Variants in FNIP2 observed in about 807,000 individuals in gnomAD.
FNIP2 encodes the protein folliculin interacting protein 2.
In FNIP2, 32 loss-of-function variants were observed where a neutral mutation model predicts 108.7. The ratio of observed to expected loss-of-function variants is 0.29; its 90% CI spans 0.22 to 0.40. The LOEUF (loss-of-function observed/expected upper bound fraction) is 0.40, where lower values mean the gene tolerates loss of function less well. Ranked by LOEUF, FNIP2 falls within the 10% of genes least tolerant of loss-of-function variation. The pLI is 1.00. For missense variants in FNIP2, 1,202 were observed against 1,381.6 expected (o/e 0.87, Z 2.06); for synonymous variants, 480 against 496.7 (o/e 0.97, Z 0.45).
chr4:158,841,036 G>C (rs1779103153), intron 7 of FNIP2, among the ~76,000 whole-genome samples: 1 of 152,176 alleles, frequency 6.6e-6, no homozygotes, highest in African/African-American at 2.4e-5. Flanking sequence ...TGGTCACTCT[G>C]CAGATACAGG....
intron 14 of FNIP2, chr4:158,872,400 C>T: frequency 1.0e-6 from 1 of 985,386 alleles, no homozygotes. Context: ...ACTCTTCAAG[C>T]TTTTTCGTAT....
At chr4:158,803,739 G>A (rs886927740) in intron 1 of FNIP2, among the ~76,000 whole-genome samples, 1 of 152,160 alleles carries the variant, frequency 6.6e-6, no homozygotes, top group African/African-American at 2.4e-5. Flanking sequence ...AATCCTTTCT[G>A]TTAAGATATC....
chr4:158,780,034 C>T (rs1775986253), intron 1 of FNIP2, among the ~76,000 whole-genome samples: 1 of 151,342 alleles, frequency 6.6e-6, no homozygotes, highest in African/African-American at 2.4e-5. Context: ...AAAAGGAGAC[C>T]CCATCTCTAC....
chr4:158,798,663 C>A (rs940417044), intron 1 of FNIP2, among the ~76,000 whole-genome samples: 1 of 152,182 alleles, frequency 6.6e-6, no homozygotes, highest in African/African-American at 2.4e-5. Context: ...AGTTTTAAGT[C>A]TTTAGATAGC....
At chr4:158,829,255 C>T in intron 3 of FNIP2, 30 bp downstream of exon 3, 1 of 1,555,240 alleles carries the variant, frequency 6.4e-7, no homozygotes. Context: ...GGGAATAGCC[C>T]CTGAGGTTAA....
chr4:158,792,414 T>G (rs1178769749), intron 1 of FNIP2, among the ~76,000 whole-genome samples: 1 of 151,934 alleles, frequency 6.6e-6, no homozygotes, highest in Admixed American at 6.6e-5. Flanking sequence ...TGTCACTCTT[T>G]AGCCCCCACG....
At chr4:158,883,680 G>A (rs748895345) in intron 14 of FNIP2, among the ~76,000 whole-genome samples, 11 of 152,106 alleles carry the variant, frequency 7.2e-5, no homozygotes, top group African/African-American at 9.7e-5. Flanking sequence ...TACACATGTG[G>A]GCTGAGACAT....
At chr4:158,821,659 A>G (rs546197201) in intron 1 of FNIP2, among the ~76,000 whole-genome samples, 11 of 152,350 alleles carry the variant, frequency 7.2e-5, no homozygotes, top group South Asian at 2.1e-4. Flanking sequence ...AACAGGACCT[A>G]TAAGTACTCC....
At chr4:158,785,707 TTTC>T (rs915638512) in intron 1 of FNIP2, among the ~76,000 whole-genome samples, 18 of 129,710 alleles carry the variant, frequency 1.4e-4, no homozygotes, top group African/African-American at 5.0e-4. Flanking sequence ...TTTTTCTTTC[TTTC>T]TTTTTTTTTT....
intron 1 of FNIP2, among the ~76,000 whole-genome samples, chr4:158,789,831 G>A (rs529473350): frequency 2.3e-5 from 1 of 43,936 alleles, no homozygotes; most frequent in Admixed American, 2.4e-4. Flanking sequence ...TGGTAGCCTG[G>A]CAGTGGTGGA....
At chr4:158,789,429 G>A (rs1389909196) in intron 1 of FNIP2, among the ~76,000 whole-genome samples, 1 of 152,104 alleles carries the variant, frequency 6.6e-6, no homozygotes, top group African/African-American at 2.4e-5. Context: ...TTAGAATAAT[G>A]GCTGTAAGTT....
chr4:158,780,193 G>T (rs1332657152), intron 1 of FNIP2, among the ~76,000 whole-genome samples: 1 of 151,536 alleles, frequency 6.6e-6, no homozygotes, highest in African/African-American at 2.4e-5. Flanking sequence ...GGGTGACAGA[G>T]GGAGACCCTG....
chr4:158,872,005 T>G (rs1780980148), intron 14 of FNIP2: 3 of 691,424 alleles, frequency 4.3e-6, no homozygotes, highest in Non-Finnish European at 5.3e-6. Flanking sequence ...CTGTGAGTTG[T>G]TTTTTTTTTT....
At chr4:158,804,079 A>G (rs1776853496) in intron 1 of FNIP2, among the ~76,000 whole-genome samples, 1 of 152,116 alleles carries the variant, frequency 6.6e-6, no homozygotes, top group Non-Finnish European at 1.5e-5. Context: ...CTGGGACTAT[A>G]GGCATCCACC....
chr4:158,810,981 C>T (rs1397451328), intron 1 of FNIP2, among the ~76,000 whole-genome samples: 2 of 152,154 alleles, frequency 1.3e-5, no homozygotes, highest in Non-Finnish European at 2.9e-5. Context: ...TTTATTGTTA[C>T]AGTAACAAAA....
intron 1 of FNIP2, among the ~76,000 whole-genome samples, chr4:158,784,549 G>A (rs1776153956): frequency 6.6e-6 from 1 of 152,118 alleles, no homozygotes; most frequent in African/African-American, 2.4e-5. Flanking sequence ...ATAATCAGTG[G>A]GAGCCCTGAG....
At chr4:158,780,162 C>T (rs957650193) in intron 1 of FNIP2, among the ~76,000 whole-genome samples, 5 of 151,436 alleles carry the variant, frequency 3.3e-5, no homozygotes, top group African/African-American at 4.8e-5. Context: ...GAGCCATGAT[C>T]GCACCACTGT....
intron 1 of FNIP2, among the ~76,000 whole-genome samples, chr4:158,784,782 G>T (rs886588322): frequency 6.6e-6 from 1 of 152,192 alleles, no homozygotes; most frequent in Non-Finnish European, 1.5e-5. Flanking sequence ...CTGCTTTGTG[G>T]CCCGGTTCCT....
At chr4:158,877,336 C>T (rs1008600049) in intron 14 of FNIP2, among the ~76,000 whole-genome samples, 1 of 152,224 alleles carries the variant, frequency 6.6e-6, no homozygotes, top group African/African-American at 2.4e-5. Context: ...TGAACCCTTT[C>T]TTCTTTCCCT....
Sources: gnomAD v4.1 joint callset for allele counts (sites outside exome capture counted in the v4.1 genomes callset) on GRCh38, gnomAD v4.1.1 for gene constraint, MANE v1.5 for transcripts, NCBI Gene and HGNC (gene_info 2026-07-23, HGNC 2026-07-21) for gene names.